DENND1A: variants seen among roughly 807,000 people sequenced by gnomAD.
The protein encoded by DENND1A is DENN domain containing 1A.
In DENND1A, 51 loss-of-function variants were observed where a neutral mutation model predicts 113.7. The ratio of observed to expected loss-of-function variants is 0.45; its 90% CI spans 0.36 to 0.57. DENND1A has a LOEUF of 0.57. Among genes scored for constraint, DENND1A ranks in the 20% least tolerant of loss-of-function variants. DENND1A has a pLI of 0.00. For missense variants in DENND1A, 1,258 were observed against 1,395.9 expected (o/e 0.90, Z 1.57); for synonymous variants, 565 against 570.8 (o/e 0.99, Z 0.14).
chr9:123,702,654 T>A (rs1001324292), intron 5 of DENND1A, among the ~76,000 whole-genome samples: 12 of 152,186 alleles, frequency 7.9e-5, no homozygotes, highest in African/African-American at 2.9e-4. Context: ...ACTGCGATGA[T>A]ATATTTATAG....
chr9:123,448,772 C>T (rs1384881916), intron 18 of DENND1A, among the ~76,000 whole-genome samples: 1 of 152,154 alleles, frequency 6.6e-6, no homozygotes, highest in African/African-American at 2.4e-5. Flanking sequence ...TCAGCTGAAA[C>T]TAAGAATTTA....
At chr9:123,859,418 A>C (rs1008896622) in intron 2 of DENND1A, among the ~76,000 whole-genome samples, 1 of 151,198 alleles carries the variant, frequency 6.6e-6, no homozygotes, top group African/African-American at 2.4e-5. Flanking sequence ...TTTGCCATCT[A>C]GTGTGACAGA....
intron 1 of DENND1A, among the ~76,000 whole-genome samples, chr9:123,912,863 C>T (rs1455637142): frequency 6.6e-6 from 1 of 152,082 alleles, no homozygotes; most frequent in Non-Finnish European, 1.5e-5. Context: ...CCCTCCACCC[C>T]GTGGTGTCTG....
intron 1 of DENND1A, among the ~76,000 whole-genome samples, chr9:123,925,087 T>G (rs1856868861): frequency 6.6e-6 from 1 of 152,196 alleles, no homozygotes. Context: ...TGAATTCACC[T>G]GGTTTTTTTA....
chr9:123,395,554 G>A (rs1286099612), intron 21 of DENND1A, among the ~76,000 whole-genome samples: 1 of 151,922 alleles, frequency 6.6e-6, no homozygotes, highest in African/African-American at 2.4e-5. Context: ...TTGGGTCTGT[G>A]ACCTTCTGCT....
chr9:123,452,649 C>T (rs2047818794), intron 16 of DENND1A, among the ~76,000 whole-genome samples: 2 of 152,052 alleles, frequency 1.3e-5, no homozygotes, highest in Admixed American at 1.3e-4. Context: ...AACTGCATCA[C>T]AGGCTGCCTA....
chr9:123,867,602 T>C (rs763353938), intron 2 of DENND1A, among the ~76,000 whole-genome samples: 1 of 152,212 alleles, frequency 6.6e-6, no homozygotes, highest in Non-Finnish European at 1.5e-5. Flanking sequence ...ACATCTGTTT[T>C]GGCGGCCCAG....
At chr9:123,879,425 T>TG (rs930374428) in intron 1 of DENND1A, among the ~76,000 whole-genome samples, 2 of 152,024 alleles carry the variant, frequency 1.3e-5, no homozygotes, top group African/African-American at 4.8e-5. Context: ...GCAAGCTACT[T>TG]GGGAGGCTAA....
intron 13 of DENND1A, among the ~76,000 whole-genome samples, chr9:123,465,585 T>C (rs539158084): frequency 6.6e-5 from 10 of 152,314 alleles, no homozygotes; most frequent in East Asian, 5.8e-4. Flanking sequence ...TCTTTCACAA[T>C]AGACTTTCAA....
intron 13 of DENND1A, among the ~76,000 whole-genome samples, chr9:123,487,503 T>C (rs1329478199): frequency 6.6e-6 from 1 of 152,224 alleles, no homozygotes; most frequent in Non-Finnish European, 1.5e-5. Context: ...CGGCAGAACC[T>C]GAGGCTACTC....
chr9:123,829,032 A>C (rs973201465), intron 2 of DENND1A, among the ~76,000 whole-genome samples: 4 of 152,212 alleles, frequency 2.6e-5, no homozygotes, highest in Non-Finnish European at 5.9e-5. Context: ...TTAGGCCACA[A>C]ATCATATGCT....
At chr9:123,410,763 G>A (rs1241929014) in intron 20 of DENND1A, among the ~76,000 whole-genome samples, 2 of 152,218 alleles carry the variant, frequency 1.3e-5, no homozygotes, top group African/African-American at 4.8e-5. Context: ...CAGAGGGCGG[G>A]AGGACTAGGA....
intron 12 of DENND1A, among the ~76,000 whole-genome samples, chr9:123,577,702 C>T (rs1329010194): frequency 1.3e-5 from 2 of 150,580 alleles, no homozygotes; most frequent in Non-Finnish European, 2.9e-5. Context: ...AACTTTTCAT[C>T]GAAGTTTAAC....
chr9:123,407,453 C>T (rs2043964945), intron 20 of DENND1A, among the ~76,000 whole-genome samples: 1 of 151,834 alleles, frequency 6.6e-6, no homozygotes, highest in Admixed American at 6.6e-5. Context: ...CACTCACACA[C>T]ACACCCCCTC....
chr9:123,929,868 G>C, intron 1 of DENND1A, 21 bp downstream of exon 1: 1 of 266,970 alleles, frequency 3.7e-6, no homozygotes. Context: ...GCCCGGCTCC[G>C]CCCGGCCCGG....
chr9:123,663,994 C>T (rs933467805), intron 8 of DENND1A, among the ~76,000 whole-genome samples: 3 of 152,148 alleles, frequency 2.0e-5, no homozygotes, highest in Non-Finnish European at 4.4e-5. Context: ...CTCTGTGAGG[C>T]CTTCCAGGGC....
At chr9:123,818,165 C>T (rs1013244721) in intron 2 of DENND1A, among the ~76,000 whole-genome samples, 1 of 151,952 alleles carries the variant, frequency 6.6e-6, no homozygotes, top group Non-Finnish European at 1.5e-5. Flanking sequence ...CATGCAGTGG[C>T]GCGATCTCGG....
chr9:123,840,278 C>A (rs1386858059), intron 2 of DENND1A, among the ~76,000 whole-genome samples: 2 of 151,720 alleles, frequency 1.3e-5, no homozygotes, highest in African/African-American at 4.8e-5. Context: ...AGGAATGTAA[C>A]CTATTTTCAG....
At chr9:123,790,379 T>C (rs1048631089) in intron 3 of DENND1A, among the ~76,000 whole-genome samples, 7 of 149,850 alleles carry the variant, frequency 4.7e-5, no homozygotes, top group African/African-American at 1.7e-4. Flanking sequence ...TCTTGGGTTA[T>C]AGGAGGCGAA....
Sources: allele counts gnomAD v4.1 joint callset (sites outside exome capture counted in the v4.1 genomes callset), GRCh38; gene constraint gnomAD v4.1.1; transcripts MANE v1.5; gene names NCBI Gene and HGNC (gene_info 2026-07-23, HGNC 2026-07-21).